Variants in ARHGAP15 observed in about 807,000 individuals in gnomAD.
ARHGAP15 encodes Rho GTPase activating protein 15.
In ARHGAP15, 51 loss-of-function variants were observed where a neutral mutation model predicts 63.7. That is an observed-to-expected ratio of 0.80 (90% CI 0.64 to 1.01). The LOEUF (loss-of-function observed/expected upper bound fraction) is 1.01, where lower values mean the gene tolerates loss of function less well. Ranked by LOEUF, ARHGAP15 falls within the 50% of genes least tolerant of loss-of-function variation. ARHGAP15 has a pLI of 0.00. For missense variants in ARHGAP15, 560 were observed against 564.6 expected, an observed-to-expected ratio of 0.99 and a Z score of 0.08; for synonymous variants, 191 against 193.8, an observed-to-expected ratio of 0.99 and a Z score of 0.12.
At chr2:143,667,136 C>T (rs1282777395) in intron 12 of ARHGAP15, among the ~76,000 whole-genome samples, 1 of 150,704 alleles carries the variant, frequency 6.6e-6, no homozygotes, top group Admixed American at 6.6e-5. Context: ...TTTATTGTGG[C>T]ATTATTCACA....
intron 6 of ARHGAP15, among the ~76,000 whole-genome samples, chr2:143,403,732 C>CTG (rs1180701569): frequency 1.3e-5 from 2 of 151,866 alleles, no homozygotes; most frequent in Admixed American, 6.6e-5. Flanking sequence ...GTGTATTTTT[C>CTG]TGTGTGTGTG....
At chr2:143,346,364 C>CT (rs897234607) in intron 6 of ARHGAP15, among the ~76,000 whole-genome samples, 7 of 151,918 alleles carry the variant, frequency 4.6e-5, no homozygotes, top group African/African-American at 1.7e-4. Context: ...CCCTACTGGT[C>CT]TTTCCATCTT....
chr2:143,421,710 C>G (rs911970235), intron 6 of ARHGAP15, among the ~76,000 whole-genome samples: 4 of 150,568 alleles, frequency 2.7e-5, no homozygotes, highest in African/African-American at 9.8e-5. Context: ...TTAAATAAAA[C>G]TTTTGTTTCA....
intron 10 of ARHGAP15, among the ~76,000 whole-genome samples, chr2:143,551,011 A>G (rs1244619929): frequency 6.6e-6 from 1 of 152,214 alleles, no homozygotes; most frequent in African/African-American, 2.4e-5. Flanking sequence ...CAATGAAGAG[A>G]AAGAGGGTGT....
chr2:143,715,992 C>A (rs896124161), intron 13 of ARHGAP15, among the ~76,000 whole-genome samples: 2 of 151,964 alleles, frequency 1.3e-5, no homozygotes, highest in Non-Finnish European at 2.9e-5. Context: ...CACATTGGGG[C>A]CTGTTGGAAG....
At chr2:143,218,277 C>CT (rs762494225) in intron 4 of ARHGAP15, among the ~76,000 whole-genome samples, 19,140 of 92,290 alleles carry the variant, frequency 0.21, 2,045 homozygotes, top group East Asian at 0.34. Flanking sequence ...TTTAGTTTTC[C>CT]TTTTTTTTTT....
At chr2:143,493,387 G>T (rs951150618) in intron 9 of ARHGAP15, among the ~76,000 whole-genome samples, 2 of 152,176 alleles carry the variant, frequency 1.3e-5, no homozygotes, top group Non-Finnish European at 2.9e-5. Flanking sequence ...ATGCCAGATT[G>T]GTTGAACATA....
At chr2:143,748,853 T>A (rs1218499603) in intron 13 of ARHGAP15, among the ~76,000 whole-genome samples, 6 of 152,200 alleles carry the variant, frequency 3.9e-5, no homozygotes, top group Non-Finnish European at 7.3e-5. Context: ...AATCCAACAA[T>A]GTATCTGACT....
At chr2:143,384,997 A>ATAGG (rs1687218497) in intron 6 of ARHGAP15, among the ~76,000 whole-genome samples, 1 of 152,222 alleles carries the variant, frequency 6.6e-6, no homozygotes, top group African/African-American at 2.4e-5. Context: ...CATACTGTCA[A>ATAGG]GCACTTGATA....
At chr2:143,156,531 T>C (rs1558781906) in intron 2 of ARHGAP15, among the ~76,000 whole-genome samples, 1 of 151,900 alleles carries the variant, frequency 6.6e-6, no homozygotes. Flanking sequence ...GTTAATATCA[T>C]AGGGGCCTAT....
intron 6 of ARHGAP15, among the ~76,000 whole-genome samples, chr2:143,404,438 G>A (rs1231713001): frequency 6.6e-6 from 1 of 151,874 alleles, no homozygotes; most frequent in East Asian, 1.9e-4. Context: ...TCAAATTATA[G>A]CCTGAAAATG....
chr2:143,436,931 C>G lies in ARHGAP15; in HGVS notation c.592C>G (p.Pro198Ala). The G allele has an allele frequency of 6.2e-7, 1 of 1,610,350 alleles. No homozygotes were observed. The highest frequency in any genetic ancestry group is 8.5e-7 in the Non-Finnish European group (1 of 1,178,918). The change falls in exon 8 of 14, where the codon CCA becomes GCA. Residue 198 changes from proline (P) to alanine (A), a missense_variant. By Grantham distance (27) the Pro-to-Ala change is conservative (BLOSUM62 -1). Transcript: ENST00000295095. ...TTTCCAGCCAAAGGATTCAAGTTGT[C>G]CATCAAGAAACCTGGAATTATTCAA... ...IDRLPKDSSC[P>A]SRNLELFKIQ... is the part of the protein sequence containing the mutation.
At chr2:143,642,999 A>T (rs1680681226) in intron 12 of ARHGAP15, among the ~76,000 whole-genome samples, 1 of 152,142 alleles carries the variant, frequency 6.6e-6, no homozygotes, top group Non-Finnish European at 1.5e-5. Context: ...TGCCTATCAC[A>T]GAACTTTCCA....
chr2:143,699,938 C>CTAAT (rs1299306235), intron 12 of ARHGAP15, among the ~76,000 whole-genome samples: 1 of 152,148 alleles, frequency 6.6e-6, no homozygotes, highest in Non-Finnish European at 1.5e-5. Flanking sequence ...GACCACACGG[C>CTAAT]TAATAAAAAG....
chr2:143,586,709 C>G (rs1432391086), intron 11 of ARHGAP15, among the ~76,000 whole-genome samples: 1 of 151,652 alleles, frequency 6.6e-6, no homozygotes, highest in Non-Finnish European at 1.5e-5. Flanking sequence ...AACTATTTGT[C>G]TGAATTCCAC....
At chr2:143,629,452 A>C (rs1227906273) in intron 12 of ARHGAP15, among the ~76,000 whole-genome samples, 1 of 152,184 alleles carries the variant, frequency 6.6e-6, no homozygotes, top group Non-Finnish European at 1.5e-5. Flanking sequence ...TTAGTACTGT[A>C]AATGTGAACT....
chr2:143,552,293 G>A (rs1695599745), intron 10 of ARHGAP15, among the ~76,000 whole-genome samples: 1 of 152,114 alleles, frequency 6.6e-6, no homozygotes, highest in African/African-American at 2.4e-5. Context: ...TGCATGGTTT[G>A]TCCATCATTC....
At chr2:143,211,367 T>G in intron 3 of ARHGAP15, among the ~76,000 whole-genome samples, 1 of 143,584 alleles carries the variant, frequency 7.0e-6, no homozygotes, top group African/African-American at 2.5e-5. Context: ...GGGGCGGGAA[T>G]TTAAGAAGGA....
intron 8 of ARHGAP15, among the ~76,000 whole-genome samples, chr2:143,484,785 A>C (rs1692247056): frequency 6.6e-6 from 1 of 152,336 alleles, no homozygotes; most frequent in East Asian, 1.9e-4. Flanking sequence ...ATATCCAAAA[A>C]TTATCATTTC....
Sources: gnomAD v4.1 joint callset for allele counts (sites outside exome capture counted in the v4.1 genomes callset) on GRCh38, gnomAD v4.1.1 for gene constraint, MANE v1.5 for transcripts, NCBI Gene and HGNC (gene_info 2026-07-23, HGNC 2026-07-21) for gene names.